PTPRT: variants seen among roughly 807,000 people sequenced by gnomAD.
PTPRT encodes the protein receptor-type tyrosine-protein phosphatase T.
In PTPRT, 56 loss-of-function variants were observed where a neutral mutation model predicts 176.8. The ratio of observed to expected loss-of-function variants is 0.32; its 90% confidence interval spans 0.26 to 0.40. PTPRT has a LOEUF of 0.40. PTPRT is among the 10% of genes least tolerant of loss of function. PTPRT has a pLI of 1.00. For synonymous variants in PTPRT, 783 were observed against 739.0 expected, an observed-to-expected ratio of 1.06 and a Z score of -0.96; for missense variants, 1,540 against 1,908.2, an observed-to-expected ratio of 0.81 and a Z score of 3.60.
intron 6 of PTPRT, among the ~76,000 whole-genome samples, chr20:42,719,547 T>G (rs760097268): frequency 6.6e-6 from 1 of 152,186 alleles, no homozygotes; most frequent in African/African-American, 2.4e-5. Flanking sequence ...GGCAAGTTAT[T>G]TCTCCCCTCT....
chr20:42,570,058 A>T (rs1463728759), intron 7 of PTPRT, among the ~76,000 whole-genome samples: 1 of 152,224 alleles, frequency 6.6e-6, no homozygotes, highest in Non-Finnish European at 1.5e-5. Flanking sequence ...TAAAGCAGAC[A>T]GGCTTCTGCT....
At chr20:42,980,733 G>T (rs1308783869) in intron 1 of PTPRT, among the ~76,000 whole-genome samples, 1 of 152,156 alleles carries the variant, frequency 6.6e-6, no homozygotes, top group Non-Finnish European at 1.5e-5. Context: ...TTTTAGACAG[G>T]TTTCTTCCTG....
chr20:42,359,083 G>A (rs1465045484), intron 9 of PTPRT, among the ~76,000 whole-genome samples: 1 of 152,204 alleles, frequency 6.6e-6, no homozygotes, highest in Non-Finnish European at 1.5e-5. Context: ...TGTTAGAGCT[G>A]CAGATTCATG....
intron 7 of PTPRT, among the ~76,000 whole-genome samples, chr20:42,648,825 T>TTTTTTTGTTTTTTTG (rs2074970549): frequency 6.9e-6 from 1 of 144,716 alleles, no homozygotes; most frequent in African/African-American, 2.7e-5. Context: ...TCGTTGTTTT[T>TTTTTTTGTTTTTTTG]TTTTTTTTTT....
intron 9 of PTPRT, among the ~76,000 whole-genome samples, chr20:42,359,011 A>G (rs1202461369): frequency 1.3e-5 from 2 of 152,226 alleles, no homozygotes; most frequent in African/African-American, 4.8e-5. Flanking sequence ...ACACAGGATC[A>G]TACCACAGTG....
intron 1 of PTPRT, among the ~76,000 whole-genome samples, chr20:42,949,245 G>A (rs1283225645): frequency 1.3e-5 from 2 of 152,158 alleles, no homozygotes; most frequent in Non-Finnish European, 2.9e-5. Flanking sequence ...TCTGGCCTTA[G>A]TTATTTTCTT....
intron 1 of PTPRT, among the ~76,000 whole-genome samples, chr20:43,169,627 A>G (rs2014945639): frequency 6.6e-6 from 1 of 152,146 alleles, no homozygotes; most frequent in Admixed American, 6.5e-5. Context: ...TTCTCACTGT[A>G]TTATCATAAG....
intron 1 of PTPRT, among the ~76,000 whole-genome samples, chr20:43,036,503 T>A (rs1250125664): frequency 1.3e-5 from 2 of 151,466 alleles, no homozygotes; most frequent in East Asian, 1.9e-4. Flanking sequence ...TAAGGTTTTG[T>A]AGGATGTAGG....
chr20:43,119,688 A>G (rs2013186540), intron 1 of PTPRT, among the ~76,000 whole-genome samples: 1 of 152,192 alleles, frequency 6.6e-6, no homozygotes. Context: ...CCTTTTTATG[A>G]TTATTGCCAA....
At chr20:42,631,301 T>C (rs2074399541) in intron 7 of PTPRT, among the ~76,000 whole-genome samples, 1 of 152,290 alleles carries the variant, frequency 6.6e-6, no homozygotes, top group Non-Finnish European at 1.5e-5. Context: ...TCAATTTCCA[T>C]ATTAATTTTA....
At chr20:42,960,779 T>C (rs1319710740) in intron 1 of PTPRT, among the ~76,000 whole-genome samples, 5 of 152,090 alleles carry the variant, frequency 3.3e-5, no homozygotes, top group Non-Finnish European at 5.9e-5. Flanking sequence ...AACGATGTCA[T>C]AAACAGCACC....
chr20:42,974,468 C>T (rs149868231), intron 1 of PTPRT, among the ~76,000 whole-genome samples: 176 of 152,064 alleles, frequency 1.2e-3, no homozygotes, highest in African/African-American at 4.0e-3. Flanking sequence ...CCTCAGTGCA[C>T]GCGCGCACAC....
intron 15 of PTPRT, among the ~76,000 whole-genome samples, chr20:42,227,485 A>G (rs2056040864): frequency 6.6e-6 from 1 of 151,922 alleles, no homozygotes; most frequent in Non-Finnish European, 1.5e-5. Flanking sequence ...GATTGGGGTC[A>G]TTAGTTTGTT....
At position 42,136,347 on chromosome 20, in the gene PTPRT, G is replaced by A. The variant is rs138028498; in HGVS notation, c.2770+5568C>T. ...TTGGAAATGTTAATGCCATCATCTT[G>A]CAAAAGTGGATAAGGAGGAGGCAGG... On this transcript the variant is annotated intron_variant, in intron 18 of 30. Transcript: ENST00000373187. Among the ~76,000 whole-genome samples the A allele has an allele frequency of 3.5e-3, 508 of 144,214 alleles. 1 individual carries two copies. The highest frequency in any genetic ancestry group is 0.012 in the African/African-American group (486 of 38,992). 94.6% of individuals were successfully genotyped at this position (144,214 alleles called of 152,430 possible). A position where few individuals can be genotyped will look rare whatever the true frequency, so the allele number is the denominator to read the frequency against.
intron 1 of PTPRT, among the ~76,000 whole-genome samples, chr20:42,920,341 T>A (rs1979063424): frequency 1.3e-5 from 2 of 152,068 alleles, no homozygotes; most frequent in Non-Finnish European, 2.9e-5. Flanking sequence ...TTATAGAGAC[T>A]GAAAAACTGT....
At chr20:42,622,855 C>G (rs112379928) in intron 7 of PTPRT, among the ~76,000 whole-genome samples, 1 of 152,260 alleles carries the variant, frequency 6.6e-6, no homozygotes, top group Non-Finnish European at 1.5e-5. Context: ...GCAAAGGCCC[C>G]CCACCTTCAA....
intron 6 of PTPRT, among the ~76,000 whole-genome samples, chr20:42,694,064 A>T: frequency 7.0e-6 from 1 of 141,982 alleles, no homozygotes. Context: ...TTTGAGCCAG[A>T]GTCTCGCTCT....
At chr20:43,175,232 C>G (rs2015097365) in intron 1 of PTPRT, among the ~76,000 whole-genome samples, 1 of 152,194 alleles carries the variant, frequency 6.6e-6, no homozygotes, top group Non-Finnish European at 1.5e-5. Flanking sequence ...AAGAAGGTCC[C>G]CTCCACGGGC....
At chr20:43,156,319 T>C (rs1308631724) in intron 1 of PTPRT, among the ~76,000 whole-genome samples, 1 of 152,120 alleles carries the variant, frequency 6.6e-6, no homozygotes, top group Admixed American at 6.5e-5. Flanking sequence ...CAACATCCAT[T>C]TTACAGATGA....
Sources: gnomAD v4.1 joint callset for allele counts (sites outside exome capture counted in the v4.1 genomes callset) on GRCh38, gnomAD v4.1.1 for gene constraint, MANE v1.5 for transcripts, NCBI Gene and HGNC (gene_info 2026-07-23, HGNC 2026-07-21) for gene names.